ANAPC4: variants seen among roughly 807,000 people sequenced by gnomAD.
The protein encoded by ANAPC4 is anaphase promoting complex subunit 4, also known as anaphase-promoting complex subunit 4.
In ANAPC4, 63 loss-of-function variants were observed where a neutral mutation model predicts 119.8. The ratio of observed to expected loss-of-function variants is 0.53; its 90% CI spans 0.43 to 0.65. The LOEUF is 0.65. Ranked by LOEUF, ANAPC4 falls within the 30% of genes least tolerant of loss-of-function variation. ANAPC4 has a pLI of 0.00. For missense variants in ANAPC4, 716 were observed against 945.1 expected (o/e 0.76, Z 3.18); for synonymous variants, 283 against 318.6 (o/e 0.89, Z 1.19).
intron 20 of ANAPC4, among the ~76,000 whole-genome samples, chr4:25,408,380 A>G (rs1723377748): frequency 6.6e-6 from 1 of 152,140 alleles, no homozygotes; most frequent in African/African-American, 2.4e-5. Flanking sequence ...TCATTTGGGA[A>G]GTATTGGTTC....
rs746647789 is a variant in ANAPC4 at position 25,416,641 on chromosome 4, T to C, written c.2075+43T>C. 14 of 1,400,964 alleles carry C rather than the reference T, an allele frequency of 1.0e-5. No homozygotes were observed. In the South Asian group the frequency reaches 2.3e-4, roughly 23 times the overall value. 86.8% of individuals were successfully genotyped at this position (1,400,964 alleles called of 1,614,324 possible). On this transcript the variant is annotated intron_variant, in intron 27 of 28. Transcript: ENST00000315368. ...CTTTCTGATATTACAGTTAAATGTT[T>C]TTTTAATGCACATTATAAATTCCAA... is the stretch of plus-strand genomic sequence containing the variant.
chr4:25,392,548 C>A, intron 10 of ANAPC4, 127 bp downstream of exon 10: 1 of 643,204 alleles, frequency 1.6e-6, no homozygotes, highest in Non-Finnish European at 2.7e-6. Flanking sequence ...GATAGATGAT[C>A]TTATAAGGTC....
chr4:25,378,260 CCTT>C (rs763496405), intron 2 of ANAPC4, among the ~76,000 whole-genome samples: 19 of 152,196 alleles, frequency 1.2e-4, no homozygotes, highest in Non-Finnish European at 1.0e-4. Flanking sequence ...TGTAAGGAAA[CCTT>C]CACCTGTGCA....
chr4:25,384,956 G>T (rs900863476), intron 4 of ANAPC4, among the ~76,000 whole-genome samples: 1 of 152,190 alleles, frequency 6.6e-6, no homozygotes, highest in Non-Finnish European at 1.5e-5. Context: ...TATTTTGAAA[G>T]GAACCTTTTT....
At chr4:25,377,603 G>A (rs776665542) in intron 2 of ANAPC4, 47 bp downstream of exon 2, 51 of 1,529,232 alleles carry the variant, frequency 3.3e-5, no homozygotes, top group Non-Finnish European at 4.3e-5. Flanking sequence ...TGCTCCCGGG[G>A]GGCCCAAGAA....
chr4:25,408,348 A>C (rs764131595), intron 20 of ANAPC4, among the ~76,000 whole-genome samples: 1 of 152,048 alleles, frequency 6.6e-6, no homozygotes, highest in Non-Finnish European at 1.5e-5. Context: ...TCCACGCATA[A>C]TTTTGTAACA....
chr4:25,382,466 T>G (rs1362367211), intron 3 of ANAPC4, among the ~76,000 whole-genome samples: 1 of 152,232 alleles, frequency 6.6e-6, no homozygotes, highest in Non-Finnish European at 1.5e-5. Context: ...GATCTTGCAC[T>G]AAATCATTCA....
At chr4:25,414,526 A>G (rs751933271) in intron 24 of ANAPC4, 22 bp downstream of exon 24, 2 of 1,589,794 alleles carry the variant, frequency 1.3e-6, no homozygotes, top group African/African-American at 1.4e-5. Context: ...TTTCTTCCCT[A>G]TCTTGAGTGA....
At chr4:25,416,304 T>TGACATTC in intron 26 of ANAPC4, 121 bp from the exon 27 acceptor site, 1 of 512,754 alleles carries the variant, frequency 2.0e-6, no homozygotes, top group Non-Finnish European at 3.3e-6. Context: ...TTAAATGTTA[T>TGACATTC]TGTACAGAAT....
chr4:25,377,505 G>A lies in ANAPC4; in HGVS notation c.78G>A (p.Leu26=). The A allele has an allele frequency of 6.2e-7, 1 of 1,613,878 alleles. No homozygotes were observed. The highest frequency in any genetic ancestry group is 8.5e-7 in the Non-Finnish European group (1 of 1,179,966). Residue 26 remains leucine (L), a synonymous_variant, in exon 2 of 29, where the codon CTG becomes CTA. Transcript: ENST00000315368. The stretch of plus-strand genomic sequence containing the variant: ...AGCTCCCGCAGGAGATTATTTTCCT[G>A]GTCTGGTCGCCCAAGCGGGATCTCA... ...EKQLPQEIIF[L]VWSPKRDLIA... is the part of the protein sequence containing the mutation.
At chr4:25,410,999 GTGAA>G (rs33984403) in intron 21 of ANAPC4, among the ~76,000 whole-genome samples, 97,080 of 150,498 alleles carry the variant, frequency 0.65, 31,525 homozygotes, top group Admixed American at 0.68. Flanking sequence ...TGCTGCTTCT[GTGAA>G]TGAATGAATG....
At chr4:25,411,848 T>C (rs772025929) in intron 21 of ANAPC4, among the ~76,000 whole-genome samples, 7 of 152,192 alleles carry the variant, frequency 4.6e-5, no homozygotes, top group Admixed American at 6.5e-5. Context: ...ATTTTTTTCC[T>C]CCTGACACCA....
At chr4:25,393,185 C>A in intron 10 of ANAPC4, among the ~76,000 whole-genome samples, 1 of 152,174 alleles carries the variant, frequency 6.6e-6, no homozygotes, top group South Asian at 2.1e-4. Context: ...GAATAATTGA[C>A]CAAACCAGTA....
intron 3 of ANAPC4, among the ~76,000 whole-genome samples, chr4:25,381,945 C>T (rs1721754850): frequency 1.4e-5 from 1 of 71,094 alleles, no homozygotes. Context: ...GAGACTCCGT[C>T]TCAAAAAAAA....
intron 3 of ANAPC4, 146 bp from the exon 4 acceptor site, chr4:25,383,115 T>A (rs1440014333): frequency 1.1e-5 from 8 of 703,906 alleles, no homozygotes; most frequent in Non-Finnish European, 1.5e-5. Context: ...CTTTTTTTAG[T>A]TTTTAAAATA....
chr4:25,404,299 G>T (rs1723137202), intron 17 of ANAPC4, among the ~76,000 whole-genome samples: 1 of 152,164 alleles, frequency 6.6e-6, no homozygotes, highest in Non-Finnish European at 1.5e-5. Flanking sequence ...AGCTTATCAG[G>T]CTGGCCTGTT....
At chr4:25,417,896 A>G (rs1394237652) in intron 28 of ANAPC4, 157 bp downstream of exon 28, 9 of 1,085,082 alleles carry the variant, frequency 8.3e-6, no homozygotes, top group Non-Finnish European at 1.2e-5. Context: ...TGGTGGCCTT[A>G]GCTATTTAGT....
intron 16 of ANAPC4, among the ~76,000 whole-genome samples, chr4:25,401,513 A>G (rs540062502): frequency 3.9e-4 from 59 of 152,314 alleles, no homozygotes; most frequent in African/African-American, 1.3e-3. Context: ...CCCTGTGTCC[A>G]GCCCCACACA....
At chr4:25,403,389 CAG>C (rs201947416) in intron 17 of ANAPC4, among the ~76,000 whole-genome samples, 1,842 of 152,254 alleles carry the variant, frequency 0.012, 43 homozygotes, top group African/African-American at 0.042. Context: ...ACATTCCTCA[CAG>C]AACTGTTAAA....
Sources: allele counts gnomAD v4.1 joint callset (sites outside exome capture counted in the v4.1 genomes callset), GRCh38; gene constraint gnomAD v4.1.1; transcripts MANE v1.5; gene names NCBI Gene and HGNC (gene_info 2026-07-23, HGNC 2026-07-21).